The following KANSL1 variants were observed in gnomAD, a reference collection of about 807,000 sequenced individuals.
KANSL1 encodes MLL1/MLL complex subunit KANSL1.
In KANSL1, 22 loss-of-function variants were observed where a neutral mutation model predicts 103.6. The observed-to-expected ratio is 0.21, with a 90% CI of 0.15 to 0.30. The LOEUF is 0.30. KANSL1 is among the 10% of genes least tolerant of loss of function. The pLI, the probability that KANSL1 is intolerant of heterozygous loss-of-function variation, is 1.00. For missense variants in KANSL1, 1,337 were observed against 1,399.8 expected, an observed-to-expected ratio of 0.96 and a Z score of 0.72; for synonymous variants, 600 against 527.6, an observed-to-expected ratio of 1.14 and a Z score of -1.88.
chr17:46,126,777 C>T (rs2043579214), intron 2 of KANSL1, among the ~76,000 whole-genome samples: 1 of 152,110 alleles, frequency 6.6e-6, no homozygotes, highest in Non-Finnish European at 1.5e-5. Flanking sequence ...AATTTGATTA[C>T]CCTAAAAACA....
At position 46,033,391 on chromosome 17, in the gene KANSL1, C is replaced by G. The variant is rs777976719; in HGVS notation, c.2724+12G>C. Reference sequence around the variant, plus strand: ...CACACGTGTTCTTCTAACAGAAGAACCAGGCCATTACCTCTTCATTCTCCT... The same window carrying G: ...CACACGTGTTCTTCTAACAGAAGAAGCAGGCCATTACCTCTTCATTCTCCT... On this transcript the variant is annotated intron_variant, in intron 12 of 14. Transcript: ENST00000432791. 1.2e-6 allele frequency: 2 copies of G among 1,613,450 alleles called. No homozygotes were observed. Among genetic ancestry groups the G allele is most frequent in the East Asian group, 2.2e-5 (1 of 44,884 alleles).
Position 46,033,418 on chromosome 17 carries a change from A to G in KANSL1, c.2709T>C (p.Asp903=), listed in dbSNP as rs2077065716. 1.2e-6 allele frequency: 2 copies of G among 1,614,104 alleles called. No homozygotes were observed. Among genetic ancestry groups the G allele is most frequent in the East Asian group, 4.5e-5 (2 of 44,876 alleles). The stretch of plus-strand genomic sequence containing the variant: ...AGGCCATTACCTCTTCATTCTCCTC[A>G]TCAGGACTCCCCTTCAGAGACTGAA... ...VDLQSLKGSP[D]EENEEIEDLS... is the part of the protein sequence containing the mutation. Residue 903 remains aspartate, a synonymous_variant, in exon 12 of 15, where the codon GAT becomes GAC. Transcript: ENST00000432791.
At chr17:46,050,741 T>C (rs1218352090) in intron 6 of KANSL1, 37 bp from the exon 7 acceptor site, 1 of 1,586,380 alleles carries the variant, frequency 6.3e-7, no homozygotes, top group Non-Finnish European at 8.6e-7. Flanking sequence ...CAATTCAGCA[T>C]CTGATAAAAA....
intron 1 of KANSL1, among the ~76,000 whole-genome samples, chr17:46,191,393 A>C (rs1392695632): frequency 1.3e-5 from 2 of 152,258 alleles, no homozygotes; most frequent in African/African-American, 2.4e-5. Context: ...CTAGAAAAGG[A>C]ACCAAGTAGA....
At chr17:46,084,263 T>C (rs2079081726) in intron 3 of KANSL1, among the ~76,000 whole-genome samples, 1 of 151,950 alleles carries the variant, frequency 6.6e-6, no homozygotes, top group African/African-American at 2.4e-5. Flanking sequence ...ATGCCCATAG[T>C]CCCAGCTACT....
upstream of KANSL1, among the ~76,000 whole-genome samples, chr17:46,195,504 A>G (rs922628205): frequency 6.6e-5 from 10 of 152,232 alleles, no homozygotes; most frequent in Non-Finnish European, 1.0e-4. Context: ...TGGCACTTAA[A>G]TCAGTCAACC....
At chr17:46,183,769 A>G (rs901311867) in intron 1 of KANSL1, among the ~76,000 whole-genome samples, 1 of 152,088 alleles carries the variant, frequency 6.6e-6, no homozygotes, top group African/African-American at 2.4e-5. Context: ...TGGCCAACAC[A>G]GCGAAACCCC....
upstream of KANSL1, chr17:46,193,971 T>C (rs2047509076): frequency 6.4e-6 from 1 of 156,896 alleles, no homozygotes; most frequent in African/African-American, 2.4e-5. Context: ...GCCCGCCCTT[T>C]GTCCCTAGCA....
At chr17:46,117,981 A>C (rs961082392) in intron 2 of KANSL1, among the ~76,000 whole-genome samples, 3 of 152,262 alleles carry the variant, frequency 2.0e-5, no homozygotes, top group African/African-American at 7.2e-5. Flanking sequence ...CACTGCTGAC[A>C]AAACAGCAGT....
At chr17:46,058,752 C>T (rs945178681) in intron 6 of KANSL1, among the ~76,000 whole-genome samples, 8 of 28,190 alleles carry the variant, frequency 2.8e-4, no homozygotes, top group African/African-American at 9.0e-4. Context: ...CACTCTCTCT[C>T]TCTCTCTCTC....
At chr17:46,205,371 T>TC (rs56100120) in intron 1 of KANSL1, among the ~76,000 whole-genome samples, 15,749 of 141,048 alleles carry the variant, frequency 0.11, 29 homozygotes, top group Non-Finnish European at 0.17. Flanking sequence ...TACAATAGCA[T>TC]CCCCCCGCCA....
chr17:46,066,036 T>C (rs1460460729), intron 6 of KANSL1, among the ~76,000 whole-genome samples: 3 of 152,134 alleles, frequency 2.0e-5, no homozygotes, highest in African/African-American at 7.2e-5. Flanking sequence ...TTTAAATACT[T>C]TGTAGAGATG....
chr17:46,039,941 C>G, intron 7 of KANSL1, 57 bp from the exon 8 acceptor site: 1 of 1,491,824 alleles, frequency 6.7e-7, no homozygotes, highest in Non-Finnish European at 9.3e-7. Context: ...CTCTAGTGTT[C>G]AAGACCTACA....
At chr17:46,182,771 CACA>C (rs1227256339) in intron 1 of KANSL1, among the ~76,000 whole-genome samples, 2 of 152,214 alleles carry the variant, frequency 1.3e-5, no homozygotes, top group African/African-American at 4.8e-5. Context: ...CCCATGATCA[CACA>C]ACTATGAAGT....
chr17:46,164,541 C>A (rs1168661259), intron 2 of KANSL1, among the ~76,000 whole-genome samples: 1 of 152,238 alleles, frequency 6.6e-6, no homozygotes, highest in African/African-American at 2.4e-5. Context: ...ACATTTCTAT[C>A]CCATACATCA....
chr17:46,038,348 A>G (rs905887003), intron 10 of KANSL1, 190 bp downstream of exon 10: 8 of 625,630 alleles, frequency 1.3e-5, no homozygotes, highest in Non-Finnish European at 2.2e-5. Flanking sequence ...ACTCAAGAAA[A>G]ACAACAGAAG....
intron 6 of KANSL1, among the ~76,000 whole-genome samples, chr17:46,059,496 G>C (rs1213900099): frequency 2.0e-5 from 3 of 151,918 alleles, no homozygotes; most frequent in African/African-American, 7.3e-5. Flanking sequence ...GCACGCGCCT[G>C]TAGTCCCAGC....
At position 46,032,379 on chromosome 17, in the gene KANSL1, A is replaced by C. The variant is rs1568366437; in HGVS notation, c.2838-80T>G. The C allele has an allele frequency of 4.7e-6, 6 of 1,280,222 alleles. No individual in the cohort carries two copies. The East Asian group carries it at 7.3e-5, about 16-fold the overall frequency. The allele number at this position is 1,280,222 out of a possible 1,614,324, so 79.3% of individuals were successfully genotyped here. ...TAGAGGGCATGAAAAAAGCATCCCC[A>C]CTGGAGGAGTTGAGGCAAACAAACA... On this transcript the variant is annotated intron_variant, in intron 13 of 14. Transcript: ENST00000432791.
chr17:46,036,498 AT>A (rs1414448556), intron 10 of KANSL1, among the ~76,000 whole-genome samples: 2 of 152,216 alleles, frequency 1.3e-5, no homozygotes, highest in Non-Finnish European at 2.9e-5. Flanking sequence ...ACAGCATACT[AT>A]TTTTATAGCA....
Sources: gnomAD v4.1 joint callset for allele counts (sites outside exome capture counted in the v4.1 genomes callset) on GRCh38, gnomAD v4.1.1 for gene constraint, MANE v1.5 for transcripts, NCBI Gene and HGNC (gene_info 2026-07-23, HGNC 2026-07-21) for gene names.